Variants in MYO18B observed in about 807,000 individuals in gnomAD.
MYO18B encodes unconventional myosin-XVIIIb.
Under a neutral mutation model 273.0 loss-of-function variants are expected in MYO18B, and 204 were observed. The observed-to-expected ratio is 0.75, with a 90% CI of 0.67 to 0.84. The LOEUF (loss-of-function observed/expected upper bound fraction) is 0.84. MYO18B is among the 40% of genes least tolerant of loss of function. The pLI is 0.00. For missense variants in MYO18B, 3,212 were observed against 3,287.6 expected, an observed-to-expected ratio of 0.98 and a Z score of 0.56; for synonymous variants, 1,330 against 1,305.7, an observed-to-expected ratio of 1.02 and a Z score of -0.40.
chr22:25,910,498 T>G (rs559525214), intron 32 of MYO18B, among the ~76,000 whole-genome samples: 1 of 152,116 alleles, frequency 6.6e-6, no homozygotes, highest in South Asian at 2.1e-4. Flanking sequence ...GGGACACATA[T>G]AGTTTATAAC....
At chr22:25,937,747 G>C (rs755479410) in intron 34 of MYO18B, among the ~76,000 whole-genome samples, 1 of 152,026 alleles carries the variant, frequency 6.6e-6, no homozygotes, top group Non-Finnish European at 1.5e-5. Context: ...CACCGCGCCT[G>C]GCTGATTTTG....
chr22:25,886,392 G>C (rs1171089792), intron 25 of MYO18B, among the ~76,000 whole-genome samples: 1 of 152,192 alleles, frequency 6.6e-6, no homozygotes, highest in Admixed American at 6.5e-5. Flanking sequence ...GCAGTACCAT[G>C]AGACTGAAGC....
chr22:25,779,575 G>A (rs2087051128), intron 8 of MYO18B, among the ~76,000 whole-genome samples: 1 of 152,222 alleles, frequency 6.6e-6, no homozygotes, highest in African/African-American at 2.4e-5. Context: ...GTCTGAGGGT[G>A]GAAGTCAGGT....
At chr22:25,813,184 CTTTTTT>C (rs66708568) in intron 12 of MYO18B, among the ~76,000 whole-genome samples, 1 of 98,612 alleles carries the variant, frequency 1.0e-5, no homozygotes, top group Non-Finnish European at 2.0e-5. Context: ...CTTCTTCTTC[CTTTTTT>C]TTTTTTTTTT....
intron 40 of MYO18B, among the ~76,000 whole-genome samples, chr22:25,999,742 G>C (rs1391883095): frequency 6.6e-6 from 1 of 151,296 alleles, no homozygotes; most frequent in East Asian, 1.9e-4. Flanking sequence ...TGCAACCTCT[G>C]CCTCCCAGGT....
At chr22:25,956,473 C>G (rs1472355807) in intron 39 of MYO18B, among the ~76,000 whole-genome samples, 9 of 152,172 alleles carry the variant, frequency 5.9e-5, no homozygotes. Flanking sequence ...ACTTCGGCCA[C>G]CCAAAGTGCT....
At chr22:25,881,571 A>C (rs997295101) in intron 25 of MYO18B, among the ~76,000 whole-genome samples, 5 of 152,334 alleles carry the variant, frequency 3.3e-5, no homozygotes, top group Middle Eastern at 3.4e-3. Context: ...GCAGTCATTA[A>C]TCACGAACTG....
chr22:25,835,371 G>A lies in MYO18B; in HGVS notation c.3136G>A (p.Glu1046Lys). The stretch of plus-strand genomic sequence containing the variant: ...GGTCTTAGATGAGGAAGTCCATGTA[G>A]AGGGCTCCAGTGACAGTGTGGTGCT... ...FWVLDEEVHV[E>K]GSSDSVVLER... Residue 1046 changes from glutamate to lysine, a missense_variant, in exon 17 of 44, where the codon GAG becomes AAG. By Grantham distance (56) the Glu-to-Lys change is moderately conservative. Transcript: ENST00000335473. The A allele has an allele frequency of 6.2e-7, 1 of 1,613,998 alleles. No homozygotes were observed.
chr22:25,910,282 T>G (rs1378045008), intron 32 of MYO18B, among the ~76,000 whole-genome samples: 1 of 152,166 alleles, frequency 6.6e-6, no homozygotes, highest in Non-Finnish European at 1.5e-5. Flanking sequence ...AGGGCTGTCT[T>G]CCTGGCTTGC....
At chr22:25,823,745 G>T (rs1432301203) in intron 13 of MYO18B, 67 bp downstream of exon 13, 6 of 1,528,362 alleles carry the variant, frequency 3.9e-6, no homozygotes, top group African/African-American at 2.8e-5. Flanking sequence ...GGATACACCA[G>T]CATTCTTTAA....
chr22:25,753,223 C>G (rs528741328), intron 1 of MYO18B, among the ~76,000 whole-genome samples: 4 of 116,062 alleles, frequency 3.4e-5, no homozygotes, highest in African/African-American at 1.1e-4. Flanking sequence ...GCCTCCCGGT[C>G]GGCAGGGGCG....
chr22:25,812,605 T>G (rs536114673), intron 12 of MYO18B, among the ~76,000 whole-genome samples: 1 of 152,208 alleles, frequency 6.6e-6, no homozygotes, highest in Non-Finnish European at 1.5e-5. Context: ...CCTGGGTGGC[T>G]TCTCTGTGCA....
intron 20 of MYO18B, among the ~76,000 whole-genome samples, chr22:25,848,687 A>T (rs941512943): frequency 4.6e-5 from 7 of 152,182 alleles, no homozygotes; most frequent in Non-Finnish European, 7.4e-5. Flanking sequence ...AGCTAATCTT[A>T]GGAGTTGAGT....
At position 25,861,561 on chromosome 22, in the gene MYO18B, A is replaced by G. The variant is rs571285553; in HGVS notation, c.3886-6759A>G. On this transcript the variant is annotated intron_variant, in intron 21 of 43. Coordinates refer to ENST00000335473, the MANE Select transcript of MYO18B (RefSeq NM_032608.7). ...CTTTGTATCTAACTGCATCTCTTAC[A>G]GATGGTATATAGTTGAATCTTTTTA... Among the ~76,000 whole-genome samples the G allele has an allele frequency of 1.3e-3, 201 of 152,334 alleles. 1 individual carries two copies. The highest frequency in any genetic ancestry group is 4.1e-3 in the African/African-American group (169 of 41,574).
At chr22:25,838,196 T>C (rs1299854087) in intron 17 of MYO18B, among the ~76,000 whole-genome samples, 1 of 151,494 alleles carries the variant, frequency 6.6e-6, no homozygotes, top group Non-Finnish European at 1.5e-5. Context: ...TAAATATATA[T>C]ATACATACAT....
At chr22:25,769,758 A>G (rs2086647976) in intron 4 of MYO18B, among the ~76,000 whole-genome samples, 1 of 152,188 alleles carries the variant, frequency 6.6e-6, no homozygotes, top group African/African-American at 2.4e-5. Context: ...ACGGGATGGC[A>G]TAACGAGTAG....
intron 39 of MYO18B, among the ~76,000 whole-genome samples, chr22:25,990,705 AAAAAAAAAAAAAAAAGAAAAAG>A (rs1235917419): frequency 0.057 from 2,242 of 39,530 alleles, 467 homozygotes; most frequent in African/African-American, 0.19. Flanking sequence ...AAAAAAAAAA[AAAAAAAAAAAAAAAAGAAAAAG>A]AAAAAAAAAA....
intron 36 of MYO18B, 40 bp from the exon 37 acceptor site, chr22:25,950,327 T>C (rs1294795481): frequency 2.0e-6 from 3 of 1,511,404 alleles, no homozygotes; most frequent in Admixed American, 2.1e-5. Flanking sequence ...GCTTGTGGAC[T>C]CAGGGTGATA....
At chr22:25,791,477 C>T (rs1490018475) in intron 11 of MYO18B, among the ~76,000 whole-genome samples, 1 of 152,242 alleles carries the variant, frequency 6.6e-6, no homozygotes, top group Non-Finnish European at 1.5e-5. Context: ...TGTGCCCTTG[C>T]TGCCTGCCAC....
Sources: allele counts gnomAD v4.1 joint callset (sites outside exome capture counted in the v4.1 genomes callset), GRCh38; gene constraint gnomAD v4.1.1; transcripts MANE v1.5; gene names NCBI Gene and HGNC (gene_info 2026-07-23, HGNC 2026-07-21).